The following PCDHGA5 variants were observed in gnomAD, a reference collection of about 807,000 sequenced individuals.
The protein encoded by PCDHGA5 is protocadherin gamma-A5.
PCDHGA5 carries 36 observed loss-of-function variants against 56.7 expected under a neutral mutation model. That is an observed-to-expected ratio of 0.64 (90% confidence interval 0.49 to 0.84). The LOEUF (loss-of-function observed/expected upper bound fraction) is 0.84. Among genes scored for constraint, PCDHGA5 ranks in the 40% least tolerant of loss-of-function variants. The pLI is 0.00. For synonymous variants in PCDHGA5, 563 were observed against 520.2 expected (o/e 1.08, Z -1.12); for missense variants, 1,305 against 1,201.5 (o/e 1.09, Z -1.27).
chr5:141,444,545 C>G (rs1346405150), intron 1 of PCDHGA5, among the ~76,000 whole-genome samples: 1 of 152,042 alleles, frequency 6.6e-6, no homozygotes, highest in Non-Finnish European at 1.5e-5. Context: ...GTCTAGTGAG[C>G]AAAAGGCACT....
chr5:141,443,217 G>A (rs1447455858), intron 1 of PCDHGA5, among the ~76,000 whole-genome samples: 8 of 151,656 alleles, frequency 5.3e-5, no homozygotes, highest in African/African-American at 2.4e-5. Flanking sequence ...CTCGCCAGGC[G>A]CATCTATAAT....
At chr5:141,413,444 C>T (rs2095641519) in intron 1 of PCDHGA5, 2 of 1,613,998 alleles carry the variant, frequency 1.2e-6, no homozygotes, top group Non-Finnish European at 1.7e-6. Context: ...AGCTTGATCA[C>T]CGCGGGCAGG....
At chr5:141,450,190 G>A (rs1368992094) in intron 1 of PCDHGA5, among the ~76,000 whole-genome samples, 1 of 151,588 alleles carries the variant, frequency 6.6e-6, no homozygotes, top group African/African-American at 2.4e-5. Flanking sequence ...GCTAATTTTT[G>A]TATTTTTAGT....
chr5:141,388,818 G>T, intron 1 of PCDHGA5: 2 of 1,613,928 alleles, frequency 1.2e-6, no homozygotes, highest in Non-Finnish European at 1.7e-6. Context: ...AGAAGTCAAA[G>T]AATATTCCAT....
At chr5:141,404,347 C>T (rs1451476815) in intron 1 of PCDHGA5, 6 of 1,613,796 alleles carry the variant, frequency 3.7e-6, no homozygotes, top group African/African-American at 2.7e-5. Context: ...CGGAAAACAA[C>T]GCCAGAGGTA....
In PCDHGA5 at chr5:141,486,042, G is replaced by A; in HGVS notation, c.2422-8765G>A. The A allele has an allele frequency of 6.2e-7, 1 of 1,614,180 alleles. No individual in the cohort carries two copies. The highest frequency in any genetic ancestry group is 8.5e-7 in the Non-Finnish European group (1 of 1,180,030). On this transcript the variant is annotated intron_variant, in intron 1 of 3. Coordinates refer to ENST00000518069, the MANE Select transcript of PCDHGA5 (RefSeq NM_018918.3). This position sits in a 1 kb window ranked among gnomAD's most constrained non-coding sequence, Gnocchi z 5.0. The stretch of plus-strand genomic sequence containing the variant: ...AGTGGTCATACCCCTGATCGTGTAA[G>A]AAACCTCTTTAGCCTGCACCCCACT...
chr5:141,418,804 T>A, intron 1 of PCDHGA5: 2 of 1,613,836 alleles, frequency 1.2e-6, no homozygotes, highest in Non-Finnish European at 1.7e-6. Flanking sequence ...TAGAAAGATA[T>A]ACGATAAACA....
rs191642740 is a variant in PCDHGA5 at position 141,509,833 on chromosome 5, C to T, written c.2570-1114C>T. On this transcript the variant is annotated intron_variant, in intron 3 of 3. Coordinates refer to ENST00000518069, the MANE Select transcript of PCDHGA5 (RefSeq NM_018918.3). ...GAGCTCTTCTCCATCTTCTCTCTAC[C>T]TCCCATTCACTCAGAACAGGGATAA... 2.6e-5 allele frequency among the ~76,000 whole-genome samples: 4 copies of T among 152,300 alleles called. No individual in the cohort carries two copies. The East Asian group carries it at 7.7e-4, about 29-fold the overall frequency.
chr5:141,370,748 T>C (rs769655229), intron 1 of PCDHGA5: 2 of 1,613,824 alleles, frequency 1.2e-6, no homozygotes, highest in Non-Finnish European at 8.5e-7. Context: ...ACTTTTTTCA[T>C]GTAACTGTGC....
rs536313993 is a variant in PCDHGA5, at chr5:141,436,142, T to G, written c.2422-58665T>G. Among the ~76,000 whole-genome samples, 46 of 152,334 alleles carry G rather than the reference T, an allele frequency of 3.0e-4. No homozygotes were observed. The South Asian group carries it at 3.1e-3, about 10-fold the overall frequency. ...CTCTCCTCCATCATCTTGTATGAAC[T>G]ACCAAAATGTTTATCATATGGACAG... On this transcript the variant is annotated intron_variant, in intron 1 of 3. Coordinates refer to ENST00000518069, the MANE Select transcript of PCDHGA5 (RefSeq NM_018918.3).
chr5:141,442,298 G>A (rs934210433), intron 1 of PCDHGA5: 2 of 152,564 alleles, frequency 1.3e-5, no homozygotes, highest in African/African-American at 4.8e-5. Flanking sequence ...TCCTGTCTGA[G>A]TCTTTCCCAC....
Position 141,431,677 on chromosome 5 carries a change from G to T in PCDHGA5, c.2422-63130G>T. The T allele has an allele frequency of 1.2e-6, 2 of 1,614,236 alleles. No homozygotes were observed. Among genetic ancestry groups the T allele is most frequent in the Non-Finnish European group, 1.7e-6 (2 of 1,180,050 alleles). ...CAGGGACAATATCAACAATAGGGGAGTTGGACCACGAGGAGTCAGGATTCT... is the reference window on the plus strand; with the variant it reads ...CAGGGACAATATCAACAATAGGGGATTTGGACCACGAGGAGTCAGGATTCT... On this transcript the variant is annotated intron_variant, in intron 1 of 3. Coordinates refer to ENST00000518069, the MANE Select transcript of PCDHGA5 (RefSeq NM_018918.3). The surrounding 1 kb of genome is among the most constrained non-coding windows in gnomAD (Gnocchi z 4.8).
chr5:141,394,380 G>A (rs867131974), intron 1 of PCDHGA5: 2 of 1,614,196 alleles, frequency 1.2e-6, no homozygotes, highest in Non-Finnish European at 1.7e-6. Context: ...TTTCGACTAT[G>A]AGCAGATCCG....
chr5:141,379,025 A>T (rs1320260929), intron 1 of PCDHGA5: 4 of 152,244 alleles, frequency 2.6e-5, no homozygotes, highest in African/African-American at 9.6e-5. Flanking sequence ...GAGTTGGAAG[A>T]TTCTACAATC....
chr5:141,375,612 A>AC (rs1771652841), intron 1 of PCDHGA5: 1 of 1,614,014 alleles, frequency 6.2e-7, no homozygotes. Flanking sequence ...ATCAACTCCG[A>AC]CACTGGGATT....
At position 141,438,591 on chromosome 5, in the gene PCDHGA5, CATATATATATATAT is replaced by C. The variant is rs946798767; in HGVS notation, c.2422-56184_2422-56171del. Among the ~76,000 whole-genome samples the C allele has an allele frequency of 7.9e-5, 6 of 75,562 alleles. No individual in the cohort carries two copies. The East Asian group carries it at 1.7e-3, about 22-fold the overall frequency. 49.6% of individuals were successfully genotyped at this position (75,562 alleles called of 152,430 possible). On this transcript the variant is annotated intron_variant, in intron 1 of 3. Transcript: ENST00000518069. ...TCTGATATACATACATACATACATA[CATATATATATATAT>C]ATATATATATATATATATATATATA...
At chr5:141,384,645 A>G in intron 1 of PCDHGA5, 1 of 1,614,218 alleles carries the variant, frequency 6.2e-7, no homozygotes, top group Non-Finnish European at 8.5e-7. Flanking sequence ...CCCGCTCCGC[A>G]GAGCCCGGCT....
At chr5:141,380,270 A>G (rs1427444022) in intron 1 of PCDHGA5, among the ~76,000 whole-genome samples, 1 of 152,226 alleles carries the variant, frequency 6.6e-6, no homozygotes, top group Non-Finnish European at 1.5e-5. Flanking sequence ...GTAAAATCTC[A>G]GAGGAGAAAC....
intron 1 of PCDHGA5, among the ~76,000 whole-genome samples, chr5:141,368,789 T>C (rs1765858310): frequency 6.6e-6 from 1 of 152,196 alleles, no homozygotes; most frequent in East Asian, 1.9e-4. Context: ...TGAAGAATAA[T>C]TTTTCATACT....
Sources: allele counts gnomAD v4.1 joint callset (sites outside exome capture counted in the v4.1 genomes callset), GRCh38; gene constraint gnomAD v4.1.1; non-coding constraint Gnocchi (gnomAD v3.1); transcripts MANE v1.5; gene names NCBI Gene and HGNC (gene_info 2026-07-23, HGNC 2026-07-21).